The following SLC2A13 variants were observed in gnomAD, a reference collection of about 807,000 sequenced individuals.
SLC2A13 encodes the protein proton myo-inositol cotransporter.
SLC2A13 carries 32 observed loss-of-function variants against 64.4 expected under a neutral mutation model. The ratio of observed to expected loss-of-function variants is 0.50; its 90% CI spans 0.37 to 0.67. The LOEUF is 0.67. Among genes scored for constraint, SLC2A13 ranks in the 30% least tolerant of loss-of-function variants. The pLI, the probability that SLC2A13 is intolerant of heterozygous loss-of-function variation, is 0.00. For missense variants in SLC2A13, 743 were observed against 829.2 expected, an observed-to-expected ratio of 0.90 and a Z score of 1.28; for synonymous variants, 338 against 327.1, an observed-to-expected ratio of 1.03 and a Z score of -0.36.
At chr12:39,912,770 G>C (rs973797266) in intron 4 of SLC2A13, among the ~76,000 whole-genome samples, 3 of 152,058 alleles carry the variant, frequency 2.0e-5, no homozygotes, top group South Asian at 2.1e-4. Context: ...ATCTGGCCTC[G>C]AGTATCCTCT....
At chr12:39,913,961 T>C (rs1350923516) in intron 4 of SLC2A13, among the ~76,000 whole-genome samples, 7 of 151,952 alleles carry the variant, frequency 4.6e-5, no homozygotes, top group South Asian at 2.1e-4. Flanking sequence ...ACAAAGGACG[T>C]CTCAAAAAAG....
chr12:40,017,280 T>C lies in SLC2A13; in HGVS notation c.925+11021A>G, dbSNP rs866463988. ...GCTAAGTTGCTAGTGGAAGCAAATC[T>C]AATGCTGACTGCTCCAGAGACATAT... On this transcript the variant is annotated intron_variant, in intron 3 of 9. Transcript: ENST00000280871. 1.7e-4 allele frequency among the ~76,000 whole-genome samples: 26 copies of C among 152,334 alleles called. No individual in the cohort carries two copies. The Middle Eastern group carries it at 0.017, about 100-fold the overall frequency.
chr12:39,767,863 C>T (rs1369778063), intron 7 of SLC2A13, among the ~76,000 whole-genome samples: 1 of 152,002 alleles, frequency 6.6e-6, no homozygotes, highest in Admixed American at 6.6e-5. Context: ...TTCCTGTCGC[C>T]ATGTGAAGAG....
intron 3 of SLC2A13, among the ~76,000 whole-genome samples, chr12:40,024,093 G>A (rs903754150): frequency 6.6e-6 from 1 of 152,150 alleles, no homozygotes; most frequent in Non-Finnish European, 1.5e-5. Context: ...AATTACCTAT[G>A]TCTCTATCAG....
intron 3 of SLC2A13, 70 bp downstream of exon 3, chr12:40,028,231 G>T (rs564810715): frequency 1.9e-6 from 2 of 1,036,104 alleles, no homozygotes; most frequent in Non-Finnish European, 2.8e-6. Context: ...ATACACACAC[G>T]CACACAAAAT....
intron 4 of SLC2A13, among the ~76,000 whole-genome samples, chr12:39,899,898 C>T (rs1483679462): frequency 6.6e-6 from 1 of 151,978 alleles, no homozygotes; most frequent in Admixed American, 6.6e-5. Flanking sequence ...GCTTTCCTTC[C>T]AACTATGTGG....
At chr12:39,959,554 T>C (rs1266186777) in intron 3 of SLC2A13, among the ~76,000 whole-genome samples, 1 of 152,198 alleles carries the variant, frequency 6.6e-6, no homozygotes, top group Non-Finnish European at 1.5e-5. Context: ...TAAAATACTG[T>C]TTTCAAAAAC....
chr12:39,949,071 T>C (rs1196073542), intron 4 of SLC2A13, among the ~76,000 whole-genome samples: 1 of 152,142 alleles, frequency 6.6e-6, no homozygotes, highest in African/African-American at 2.4e-5. Flanking sequence ...GATTAGTTGT[T>C]TTTTATGCAG....
intron 3 of SLC2A13, among the ~76,000 whole-genome samples, chr12:40,017,976 TAAAAAAAA>T (rs5797648): frequency 1.0e-4 from 13 of 128,562 alleles, no homozygotes; most frequent in African/African-American, 3.8e-4. Flanking sequence ...TGCACATATT[TAAAAAAAA>T]AAAAAAAAAG....
At chr12:39,896,573 T>TGTGTATAC (rs1944918693) in intron 4 of SLC2A13, among the ~76,000 whole-genome samples, 1 of 114,830 alleles carries the variant, frequency 8.7e-6, no homozygotes, top group East Asian at 4.9e-4. Context: ...TATATGTATG[T>TGTGTATAC]ATGTGTGTAT....
At chr12:40,035,034 A>G (rs1347896332) in intron 2 of SLC2A13, among the ~76,000 whole-genome samples, 2 of 152,202 alleles carry the variant, frequency 1.3e-5, no homozygotes, top group Non-Finnish European at 2.9e-5. Context: ...CCCTTAAAAA[A>G]GCATAACTCA....
intron 3 of SLC2A13, among the ~76,000 whole-genome samples, chr12:39,953,013 AAAACAAAAAC>A (rs1946257849): frequency 6.6e-6 from 1 of 152,166 alleles, no homozygotes; most frequent in Admixed American, 6.6e-5. Context: ...AAAAGACAAC[AAAACAAAAAC>A]AAACAAAAGC....
chr12:40,027,079 CAAAA>C (rs762673381), intron 3 of SLC2A13, among the ~76,000 whole-genome samples: 1 of 83,754 alleles, frequency 1.2e-5, no homozygotes, highest in Non-Finnish European at 2.5e-5. Context: ...GACTTCATCT[CAAAA>C]AAAAAAAAAA....
chr12:39,848,837 A>T (rs1943390945), intron 6 of SLC2A13, among the ~76,000 whole-genome samples: 1 of 152,198 alleles, frequency 6.6e-6, no homozygotes, highest in Non-Finnish European at 1.5e-5. Context: ...AATATTATGC[A>T]TCCATAAAAA....
chr12:40,006,882 C>A (rs998725117), intron 3 of SLC2A13, among the ~76,000 whole-genome samples: 2 of 152,246 alleles, frequency 1.3e-5, no homozygotes, highest in African/African-American at 4.8e-5. Flanking sequence ...TTTTTAATTC[C>A]TTCATAAATT....
intron 7 of SLC2A13, among the ~76,000 whole-genome samples, chr12:39,801,675 C>T (rs1941796588): frequency 2.6e-5 from 4 of 152,208 alleles, no homozygotes; most frequent in Admixed American, 2.0e-4. Flanking sequence ...AGCTCTGCCA[C>T]TTAACTGGTT....
chr12:39,810,527 G>A (rs1422355604), intron 7 of SLC2A13, among the ~76,000 whole-genome samples: 1 of 152,052 alleles, frequency 6.6e-6, no homozygotes, highest in Non-Finnish European at 1.5e-5. Flanking sequence ...ATGTAGTAGT[G>A]TTAAGAGTAG....
intron 3 of SLC2A13, among the ~76,000 whole-genome samples, chr12:40,009,705 G>A (rs1947491962): frequency 6.6e-6 from 1 of 152,306 alleles, no homozygotes. Flanking sequence ...AAAGTGCTAG[G>A]ATTACAGGCA....
chr12:39,828,630 T>C (rs938326074), intron 7 of SLC2A13, among the ~76,000 whole-genome samples: 2 of 152,060 alleles, frequency 1.3e-5, no homozygotes, highest in Non-Finnish European at 2.9e-5. Flanking sequence ...AAATTAATTA[T>C]GTAAAATACA....
Sources: allele counts gnomAD v4.1 joint callset (sites outside exome capture counted in the v4.1 genomes callset), GRCh38; gene constraint gnomAD v4.1.1; transcripts MANE v1.5; gene names NCBI Gene and HGNC (gene_info 2026-07-23, HGNC 2026-07-21).